The following SYN3 variants were observed in gnomAD, a reference collection of about 807,000 sequenced individuals.
SYN3 encodes synapsin III.
In SYN3, 35 loss-of-function variants were observed where a neutral mutation model predicts 65.8. That is an observed-to-expected ratio of 0.53 (90% CI 0.41 to 0.70). SYN3 has a LOEUF of 0.70. Among genes scored for constraint, SYN3 ranks in the 30% least tolerant of loss-of-function variants. The pLI is 0.00. For synonymous variants in SYN3, 270 were observed against 292.9 expected, an observed-to-expected ratio of 0.92 and a Z score of 0.80; for missense variants, 680 against 749.0, an observed-to-expected ratio of 0.91 and a Z score of 1.08.
chr22:32,671,300 GCACA>G (rs888069005), intron 6 of SYN3, among the ~76,000 whole-genome samples: 60 of 150,464 alleles, frequency 4.0e-4, no homozygotes, highest in Non-Finnish European at 8.1e-4. Context: ...TCACAGACAC[GCACA>G]CATTCACACA....
chr22:32,666,797 T>C (rs978715850), intron 6 of SYN3, among the ~76,000 whole-genome samples: 1 of 152,222 alleles, frequency 6.6e-6, no homozygotes, highest in Non-Finnish European at 1.5e-5. Flanking sequence ...TGTCTTGATG[T>C]ATTTTGTTCA....
intron 6 of SYN3, among the ~76,000 whole-genome samples, chr22:32,699,325 C>G (rs1382680543): frequency 3.9e-5 from 6 of 152,212 alleles, no homozygotes; most frequent in Admixed American, 3.9e-4. Flanking sequence ...CCGTTGGGCT[C>G]CCCTGAACCC....
intron 1 of SYN3, among the ~76,000 whole-genome samples, chr22:33,028,286 A>T (rs1457617786): frequency 6.6e-6 from 1 of 152,118 alleles, no homozygotes; most frequent in East Asian, 1.9e-4. Flanking sequence ...AGAGAGTGGG[A>T]CAGCCTCAGG....
intron 10 of SYN3, among the ~76,000 whole-genome samples, chr22:32,531,910 T>C (rs1309396304): frequency 4.6e-5 from 7 of 151,856 alleles, no homozygotes. Context: ...TTTTACTTTT[T>C]TTTTTTTTTT....
intron 7 of SYN3, among the ~76,000 whole-genome samples, chr22:32,563,277 T>C (rs1388356989): frequency 6.6e-6 from 1 of 152,212 alleles, no homozygotes; most frequent in Non-Finnish European, 1.5e-5. Flanking sequence ...AATAATCCTA[T>C]GAAGATCACA....
At chr22:32,977,006 T>TGGGGGG (rs1235418502) in intron 3 of SYN3, among the ~76,000 whole-genome samples, 4 of 148,116 alleles carry the variant, frequency 2.7e-5, no homozygotes, top group African/African-American at 1.0e-4. Context: ...GGGGGGGGGT[T>TGGGGGG]GCTTGTGTGT....
At chr22:33,006,238 T>A (rs1427104453) in intron 2 of SYN3, 114 bp downstream of exon 2, 1 of 1,272,624 alleles carries the variant, frequency 7.9e-7, no homozygotes, top group Admixed American at 2.3e-5. Context: ...CCAGCCAGGC[T>A]CTGATAGCAC....
Position 32,533,909 on chromosome 22 carries a change from T to C in SYN3, c.993-14A>G, listed in dbSNP as rs373223145. Reference sequence around the variant, plus strand: ...CACAGCCTGTACCTGCAGGGACAGATGGACAGACAGTGAAGTGGCCTGGGA... The same window carrying C: ...CACAGCCTGTACCTGCAGGGACAGACGGACAGACAGTGAAGTGGCCTGGGA... On this transcript the variant is annotated splice_polypyrimidine_tract_variant and intron_variant, in intron 9 of 13. Transcript: ENST00000358763. 14 of 1,597,192 alleles carry C rather than the reference T, an allele frequency of 8.8e-6. No homozygotes were observed. In the Middle Eastern group the frequency reaches 5.0e-4, roughly 57 times the overall value.
chr22:32,868,764 C>T (rs1157412720), intron 5 of SYN3, among the ~76,000 whole-genome samples: 1 of 151,924 alleles, frequency 6.6e-6, no homozygotes, highest in African/African-American at 2.4e-5. Flanking sequence ...AAATATTTAC[C>T]ATAATAATAT....
intron 4 of SYN3, among the ~76,000 whole-genome samples, chr22:32,877,935 C>T (rs371716687): frequency 2.0e-5 from 3 of 152,262 alleles, no homozygotes; most frequent in African/African-American, 7.2e-5. Flanking sequence ...TCCTTGGTGC[C>T]AGGAATAATT....
intron 6 of SYN3, among the ~76,000 whole-genome samples, chr22:32,718,373 C>T (rs1309216470): frequency 6.6e-6 from 1 of 152,022 alleles, no homozygotes. Flanking sequence ...AATGCTCTGC[C>T]AAGGGAAAGA....
chr22:32,749,617 G>A (rs2045050543), intron 6 of SYN3, among the ~76,000 whole-genome samples: 1 of 151,914 alleles, frequency 6.6e-6, no homozygotes, highest in Non-Finnish European at 1.5e-5. Flanking sequence ...CTCCAGCCTG[G>A]GTGACAGAAT....
rs907838327 is a variant in SYN3 at position 32,925,574 on chromosome 22, T to C, written c.461+5816A>G. On this transcript the variant is annotated intron_variant, in intron 4 of 13. Transcript: ENST00000358763. ...AGGTCTAGAATAAGACTTGAAGATG[T>C]CTATTTTTGCAAAGTGATTCTTGTG... Among the ~76,000 whole-genome samples, 4 of 152,340 alleles carry C rather than the reference T, an allele frequency of 2.6e-5. No homozygotes were observed. The South Asian group carries it at 6.2e-4, about 24-fold the overall frequency.
chr22:32,928,254 T>C (rs954220077), intron 4 of SYN3, among the ~76,000 whole-genome samples: 2 of 151,902 alleles, frequency 1.3e-5, no homozygotes, highest in Non-Finnish European at 2.9e-5. Flanking sequence ...GGTGTGAACC[T>C]GGAAGGCAGA....
In SYN3 at chr22:32,926,181, C is replaced by G. The variant is rs142872486; in HGVS notation, c.461+5209G>C. Among the ~76,000 whole-genome samples, 442 of 152,224 alleles carry G rather than the reference C, an allele frequency of 2.9e-3. 9 individuals are homozygous for G. The highest frequency in any genetic ancestry group is 0.026 in the Admixed American group (404 of 15,280). ...TAGATGTTCTTGTTTTTACCTGTTA[C>G]AAATGAAGGAGATCCAGCCACCCTA... is the stretch of plus-strand genomic sequence containing the variant. On this transcript the variant is annotated intron_variant, in intron 4 of 13. Coordinates refer to ENST00000358763, the MANE Select transcript of SYN3 (RefSeq NM_003490.4).
intron 6 of SYN3, among the ~76,000 whole-genome samples, chr22:32,663,267 C>A (rs1319008638): frequency 1.3e-5 from 2 of 151,798 alleles, no homozygotes; most frequent in African/African-American, 4.8e-5. Context: ...CCATGTGAAA[C>A]TGTAAGCCCA....
intron 1 of SYN3, among the ~76,000 whole-genome samples, chr22:33,028,913 G>A (rs998214219): frequency 2.0e-5 from 3 of 152,002 alleles, no homozygotes; most frequent in South Asian, 2.1e-4. Flanking sequence ...GGTGGCGGGC[G>A]CCTGTAGTCC....
chr22:32,671,674 C>G (rs1048952140), intron 6 of SYN3, among the ~76,000 whole-genome samples: 2 of 151,256 alleles, frequency 1.3e-5, no homozygotes, highest in Non-Finnish European at 2.9e-5. Context: ...CACACACGCT[C>G]TCACACAGGT....
chr22:32,946,296 T>C (rs967399675), intron 3 of SYN3, among the ~76,000 whole-genome samples: 16 of 152,194 alleles, frequency 1.1e-4, no homozygotes, highest in African/African-American at 3.6e-4. Context: ...CCAACCCAAA[T>C]GTCCATCAAT....
Sources: gnomAD v4.1 joint callset for allele counts (sites outside exome capture counted in the v4.1 genomes callset) on GRCh38, gnomAD v4.1.1 for gene constraint, MANE v1.5 for transcripts, NCBI Gene and HGNC (gene_info 2026-07-23, HGNC 2026-07-21) for gene names.